The following MACF1 variants were observed in gnomAD, a reference collection of about 807,000 sequenced individuals.
The protein encoded by MACF1 is microtubule actin crosslinking factor 1.
A neutral mutation model predicts 854.8 loss-of-function variants in MACF1; 193 were observed. The observed-to-expected ratio is 0.23, with a 90% CI of 0.20 to 0.25. The LOEUF is 0.25. MACF1 is among the 10% of genes least tolerant of loss of function. The pLI is 1.00. For synonymous variants in MACF1, 3,185 were observed against 3,226.7 expected, an observed-to-expected ratio of 0.99 and a Z score of 0.44; for missense variants, 7,722 against 8,929.1, an observed-to-expected ratio of 0.86 and a Z score of 5.45.
chr1:39,452,285 C>G lies in MACF1; in HGVS notation c.20548C>G (p.Arg6850Gly). Residue 6850 changes from arginine to glycine, a missense_variant, in exon 86 of 101, where the codon CGC becomes GGC. By Grantham distance (125) the Arg-to-Gly change is moderately radical. Transcript: ENST00000564288. Reference sequence around the variant, plus strand: ...AGGACAGCTCCAGGAACTGAGCACTCGCTGGGACACTGTCTGTAAACTCTC... The same window carrying G: ...AGGACAGCTCCAGGAACTGAGCACTGGCTGGGACACTGTCTGTAAACTCTC... ...VKGQLQELSTRWDTVCKLSVS... is the reference protein window; with the variant it reads ...VKGQLQELSTGWDTVCKLSVS... 9 of 1,614,188 alleles carry G rather than the reference C, an allele frequency of 5.6e-6. No homozygotes were observed. Among genetic ancestry groups the G allele is most frequent in the Non-Finnish European group, 6.8e-6 (8 of 1,180,030 alleles).
chr1:39,421,757 T>C (rs1643545325), intron 58 of MACF1, among the ~76,000 whole-genome samples: 1 of 152,168 alleles, frequency 6.6e-6, no homozygotes, highest in Non-Finnish European at 1.5e-5. Context: ...TGCTTTTCTA[T>C]TCTCCATGGC....
chr1:39,461,070 T>A (rs1644542108), intron 92 of MACF1, among the ~76,000 whole-genome samples: 1 of 137,074 alleles, frequency 7.3e-6, no homozygotes, highest in African/African-American at 2.8e-5. Context: ...GGCAACAGAG[T>A]GAGACTCTGT....
chr1:39,217,898 AAGAG>A (rs1644597003), intron 1 of MACF1, among the ~76,000 whole-genome samples: 1 of 150,768 alleles, frequency 6.6e-6, no homozygotes, highest in Non-Finnish European at 1.5e-5. Context: ...AAAAAAAAAA[AAGAG>A]GTCGGTCACA....
chr1:39,415,167 AG>A (rs1351674409), intron 58 of MACF1, among the ~76,000 whole-genome samples: 3 of 152,212 alleles, frequency 2.0e-5, no homozygotes, highest in Non-Finnish European at 4.4e-5. Context: ...AACCAGAGCT[AG>A]GCATAATGTT....
At chr1:39,102,840 T>C (rs1216798913) in intron 2 of MACF1, 1 of 702,484 alleles carries the variant, frequency 1.4e-6, no homozygotes, top group Non-Finnish European at 2.6e-6. Flanking sequence ...CTGTGTGGTC[T>C]GGCTATAAAT....
intron 52 of MACF1, chr1:39,372,858 A>T (rs1649364008): frequency 3.0e-6 from 1 of 328,092 alleles, no homozygotes; most frequent in South Asian, 3.1e-5. Flanking sequence ...AACACTGAAT[A>T]ATTAAAATGA....
intron 2 of MACF1, among the ~76,000 whole-genome samples, chr1:39,142,201 A>G (rs1643359962): frequency 1.3e-5 from 2 of 152,210 alleles, no homozygotes; most frequent in Non-Finnish European, 2.9e-5. Context: ...GATTCCAGAG[A>G]CAGCTGGACA....
chr1:39,180,286 A>G (rs1465287238), intron 2 of MACF1, among the ~76,000 whole-genome samples: 1 of 151,974 alleles, frequency 6.6e-6, no homozygotes, highest in Non-Finnish European at 1.5e-5. Context: ...GCAAAGATTT[A>G]TTTTTCTTAG....
intron 2 of MACF1, among the ~76,000 whole-genome samples, chr1:39,131,473 C>T (rs551581210): frequency 7.9e-5 from 12 of 152,082 alleles, no homozygotes; most frequent in African/African-American, 2.9e-4. Context: ...TTGTCCAGCA[C>T]CTGTTTTTCC....
chr1:39,279,555 G>A (rs897219127), intron 6 of MACF1, among the ~76,000 whole-genome samples: 2 of 152,058 alleles, frequency 1.3e-5, no homozygotes, highest in African/African-American at 2.4e-5. Context: ...TGATAGAGAC[G>A]ACTAAGAGAC....
intron 2 of MACF1, among the ~76,000 whole-genome samples, chr1:39,235,926 T>TG (rs925901901): frequency 1.3e-5 from 2 of 152,158 alleles, no homozygotes; most frequent in African/African-American, 2.4e-5. Context: ...TTTGTAGAGA[T>TG]GGGGTCTTGG....
intron 2 of MACF1, among the ~76,000 whole-genome samples, chr1:39,089,078 C>T (rs260965): frequency 0.99 from 150,028 of 152,304 alleles, 73,924 homozygotes; most frequent in South Asian, 1. Context: ...GTGGAGAGGA[C>T]AGAAGGGAGA....
At chr1:39,100,013 C>T (rs1021158018) in intron 2 of MACF1, among the ~76,000 whole-genome samples, 6 of 151,974 alleles carry the variant, frequency 3.9e-5, no homozygotes, top group Non-Finnish European at 7.4e-5. Flanking sequence ...CCCAAGAGTT[C>T]GAGACCAGCC....
chr1:39,360,046 T>C (rs1436290135), intron 47 of MACF1, among the ~76,000 whole-genome samples: 1,025 of 60,842 alleles, frequency 0.017, 77 homozygotes, highest in African/African-American at 0.066. Context: ...TATATATATA[T>C]ATATATACAC....
intron 2 of MACF1, among the ~76,000 whole-genome samples, chr1:39,176,401 T>C (rs766918591): frequency 3.3e-5 from 5 of 152,192 alleles, no homozygotes; most frequent in Non-Finnish European, 5.9e-5. Flanking sequence ...ATTTTCGTTA[T>C]TCAAAATTAT....
intron 49 of MACF1, 30 bp from the exon 50 acceptor site, chr1:39,368,118 A>T (rs1648900664): frequency 6.2e-7 from 1 of 1,603,972 alleles, no homozygotes; most frequent in Admixed American, 1.7e-5. Context: ...GGATTAGAGG[A>T]TTTAATACAT....
intron 2 of MACF1, among the ~76,000 whole-genome samples, chr1:39,234,879 C>G (rs1644840006): frequency 7.5e-6 from 1 of 132,494 alleles, no homozygotes; most frequent in Non-Finnish European, 1.6e-5. Flanking sequence ...GGCGGCGGGG[C>G]AGAGGCGCTC....
chr1:39,087,337 G>A (rs1419119527), intron 2 of MACF1, among the ~76,000 whole-genome samples: 1 of 152,244 alleles, frequency 6.6e-6, no homozygotes, highest in Non-Finnish European at 1.5e-5. Flanking sequence ...TCCGTGTCCT[G>A]AGCTGGTCTT....
At chr1:39,315,872 T>G (rs1646402612) in intron 27 of MACF1, among the ~76,000 whole-genome samples, 181 bp downstream of exon 27, 2 of 152,192 alleles carry the variant, frequency 1.3e-5, no homozygotes, top group Non-Finnish European at 2.9e-5. Flanking sequence ...TGGACTGCAG[T>G]GAAGAAGTGC....
Sources: allele counts gnomAD v4.1 joint callset (sites outside exome capture counted in the v4.1 genomes callset), GRCh38; gene constraint gnomAD v4.1.1; transcripts MANE v1.5; gene names NCBI Gene and HGNC (gene_info 2026-07-23, HGNC 2026-07-21).